EDIL3: variants seen among roughly 807,000 people sequenced by gnomAD.
EDIL3 encodes EGF-like repeat and discoidin I-like domain-containing protein 3.
EDIL3 carries 37 observed loss-of-function variants against 67.4 expected under a neutral mutation model. The ratio of observed to expected loss-of-function variants is 0.55; its 90% CI spans 0.42 to 0.72. EDIL3 has a LOEUF of 0.72. Ranked by LOEUF, EDIL3 falls within the 30% of genes least tolerant of loss-of-function variation. The pLI, the probability that EDIL3 is intolerant of heterozygous loss-of-function variation, is 0.00. For synonymous variants in EDIL3, 195 were observed against 196.3 expected (o/e 0.99, Z 0.05); for missense variants, 527 against 586.3 (o/e 0.90, Z 1.04).
At chr5:84,310,382 T>G (rs1746360719) in intron 1 of EDIL3, among the ~76,000 whole-genome samples, 1 of 152,188 alleles carries the variant, frequency 6.6e-6, no homozygotes, top group Admixed American at 6.5e-5. Context: ...TTTCGAGCCC[T>G]GCTGTCATTA....
chr5:83,957,311 C>T lies in EDIL3; in HGVS notation c.1293+5894G>A, dbSNP rs78812825. Reference sequence around the variant, plus strand: ...CATCTTCCTCTGTGATTGCCACTGACAATTCCATTTTATTTACTCCCTAAG... The same window carrying T: ...CATCTTCCTCTGTGATTGCCACTGATAATTCCATTTTATTTACTCCCTAAG... On this transcript the variant is annotated intron_variant, in intron 10 of 10. Transcript: ENST00000296591. Among the ~76,000 whole-genome samples the T allele has an allele frequency of 9.5e-3, 1,441 of 151,782 alleles. 26 individuals are homozygous for T. The highest frequency in any genetic ancestry group is 0.033 in the African/African-American group (1,380 of 41,472).
In EDIL3 at chr5:84,381,353, A is replaced by C. The variant is rs149380437; in HGVS notation, c.67+2955T>G. ...TTCTTATTTTAATTTGATATTTCAG[A>C]ATTATTTTTGTATGTTTTACCTTGA... On this transcript the variant is annotated intron_variant, in intron 1 of 10. Coordinates refer to ENST00000296591, the MANE Select transcript of EDIL3 (RefSeq NM_005711.5). Among the ~76,000 whole-genome samples the C allele has an allele frequency of 4.3e-3, 655 of 152,236 alleles. 4 individuals are homozygous for C. The highest frequency in any genetic ancestry group is 0.015 in the African/African-American group (607 of 41,556).
At chr5:84,368,820 A>C (rs1747789498) in intron 1 of EDIL3, among the ~76,000 whole-genome samples, 1 of 152,164 alleles carries the variant, frequency 6.6e-6, no homozygotes, top group African/African-American at 2.4e-5. Flanking sequence ...GGAATTGAAC[A>C]GATGTTTTCC....
chr5:84,242,882 C>T (rs537819246), intron 2 of EDIL3, among the ~76,000 whole-genome samples: 6 of 150,726 alleles, frequency 4.0e-5, no homozygotes, highest in South Asian at 2.1e-4. Flanking sequence ...GTGTAACAGG[C>T]ACAGCTTAAT....
At chr5:83,983,513 A>C (rs1488537038) in intron 9 of EDIL3, among the ~76,000 whole-genome samples, 1 of 152,112 alleles carries the variant, frequency 6.6e-6, no homozygotes, top group Admixed American at 6.6e-5. Flanking sequence ...ATCTCTTGAG[A>C]CCAAAGTTTT....
At chr5:84,004,559 G>A (rs920484653) in intron 9 of EDIL3, among the ~76,000 whole-genome samples, 1 of 152,046 alleles carries the variant, frequency 6.6e-6, no homozygotes, top group South Asian at 2.1e-4. Context: ...AAATTACATG[G>A]AAATTAAACA....
chr5:84,331,174 G>A (rs1333425492), intron 1 of EDIL3, among the ~76,000 whole-genome samples: 2 of 152,194 alleles, frequency 1.3e-5, no homozygotes, highest in Non-Finnish European at 2.9e-5. Flanking sequence ...ATAGGTGGAA[G>A]GGACTTGCCT....
At chr5:84,234,548 T>C (rs1166324961) in intron 2 of EDIL3, among the ~76,000 whole-genome samples, 1 of 152,204 alleles carries the variant, frequency 6.6e-6, no homozygotes, top group Non-Finnish European at 1.5e-5. Flanking sequence ...AATTCTTACA[T>C]ATTCTGTTTT....
intron 4 of EDIL3, among the ~76,000 whole-genome samples, chr5:84,169,767 C>T (rs1255573781): frequency 6.6e-6 from 1 of 151,470 alleles, no homozygotes; most frequent in Non-Finnish European, 1.5e-5. Context: ...ATGTATGTAC[C>T]ACAGTTTGTT....
chr5:84,063,498 G>T (rs973060127), intron 8 of EDIL3, among the ~76,000 whole-genome samples: 1 of 152,210 alleles, frequency 6.6e-6, no homozygotes, highest in Non-Finnish European at 1.5e-5. Context: ...ATATGAAAAT[G>T]TGATTCTTAA....
intron 9 of EDIL3, among the ~76,000 whole-genome samples, chr5:83,978,231 A>G (rs1161478953): frequency 1.5e-4 from 23 of 151,950 alleles, no homozygotes; most frequent in Non-Finnish European, 5.9e-5. Context: ...TAGAAAATGT[A>G]AATTTTAGAA....
chr5:83,975,950 T>A (rs1188396917), intron 9 of EDIL3, among the ~76,000 whole-genome samples: 2 of 151,912 alleles, frequency 1.3e-5, no homozygotes, highest in African/African-American at 4.8e-5. Context: ...GCCTTTCCAA[T>A]TATGAATAAA....
intron 1 of EDIL3, among the ~76,000 whole-genome samples, chr5:84,272,042 T>C (rs1424052614): frequency 2.0e-5 from 3 of 152,210 alleles, no homozygotes; most frequent in South Asian, 4.1e-4. Flanking sequence ...ATTAAAAATG[T>C]GGAGTTAAAG....
chr5:84,198,905 G>T (rs528677897), intron 3 of EDIL3, among the ~76,000 whole-genome samples: 6 of 152,150 alleles, frequency 3.9e-5, no homozygotes, highest in Non-Finnish European at 7.4e-5. Flanking sequence ...GAATGAGATT[G>T]CCTGGGCTAT....
chr5:84,025,798 A>G (rs369595), intron 9 of EDIL3, among the ~76,000 whole-genome samples: 92,840 of 152,088 alleles, frequency 0.61, 29,500 homozygotes, highest in East Asian at 0.75. Flanking sequence ...GATTATATGT[A>G]ATAGGATATT....
intron 5 of EDIL3, among the ~76,000 whole-genome samples, chr5:84,135,394 G>A (rs754669816): frequency 1.3e-5 from 2 of 152,182 alleles, no homozygotes; most frequent in Non-Finnish European, 2.9e-5. Context: ...TTCCTGGAAG[G>A]TTCTCTATTC....
chr5:84,176,202 T>TATATATATATATATATATATATAAA (rs1748905251), intron 4 of EDIL3, among the ~76,000 whole-genome samples: 1 of 10,100 alleles, frequency 9.9e-5, no homozygotes, highest in African/African-American at 4.0e-4. Flanking sequence ...ATATATAATA[T>TATATATATATATATATATATATAAA]ATATATATAT....
intron 4 of EDIL3, among the ~76,000 whole-genome samples, chr5:84,161,089 A>G (rs539190992): frequency 3.3e-5 from 5 of 152,058 alleles, no homozygotes; most frequent in African/African-American, 9.6e-5. Context: ...AGAACATACA[A>G]TAGTTGGTTT....
chr5:84,143,934 G>A (rs1383999947), intron 4 of EDIL3, among the ~76,000 whole-genome samples: 1 of 152,064 alleles, frequency 6.6e-6, no homozygotes, highest in Non-Finnish European at 1.5e-5. Flanking sequence ...GGATCATCAT[G>A]TATGTACTGT....
Sources: allele counts gnomAD v4.1 joint callset (sites outside exome capture counted in the v4.1 genomes callset), GRCh38; gene constraint gnomAD v4.1.1; transcripts MANE v1.5; gene names NCBI Gene and HGNC (gene_info 2026-07-23, HGNC 2026-07-21).